PTGS1: variants seen among roughly 807,000 people sequenced by gnomAD.
The protein encoded by PTGS1 is prostaglandin G/H synthase 1.
In PTGS1, 40 loss-of-function variants were observed where a neutral mutation model predicts 63.0. The ratio of observed to expected loss-of-function variants is 0.63; its 90% CI spans 0.49 to 0.83. PTGS1 has a LOEUF of 0.83. Ranked by LOEUF, PTGS1 falls within the 40% of genes least tolerant of loss-of-function variation. PTGS1 has a pLI of 0.00. For missense variants in PTGS1, 709 were observed against 786.5 expected (o/e 0.90, Z 1.18); for synonymous variants, 298 against 301.9 (o/e 0.99, Z 0.13).
intron 5 of PTGS1, among the ~76,000 whole-genome samples, chr9:122,379,917 A>G (rs1451562936): frequency 6.6e-6 from 1 of 152,160 alleles, no homozygotes; most frequent in East Asian, 1.9e-4. Flanking sequence ...TTGTGAAGAG[A>G]TGCCTTTACC....
chr9:122,384,460 T>A (rs1837748476), intron 8 of PTGS1, among the ~76,000 whole-genome samples: 1 of 152,048 alleles, frequency 6.6e-6, no homozygotes, highest in Non-Finnish European at 1.5e-5. Flanking sequence ...ATAGGAACAG[T>A]CATTAGAGGG....
chr9:122,378,318 C>G, intron 3 of PTGS1, 115 bp from the exon 4 acceptor site: 1 of 1,425,548 alleles, frequency 7.0e-7, no homozygotes, highest in Non-Finnish European at 9.7e-7. Context: ...CCCACTTCCC[C>G]ATAGGTGCTA....
chr9:122,381,484 T>C lies in PTGS1; in HGVS notation c.610T>C (p.Phe204Leu), dbSNP rs200351496. The C allele has an allele frequency of 1.7e-5, 27 of 1,614,072 alleles. No homozygotes were observed. The highest frequency in any genetic ancestry group is 3.3e-5 in the Admixed American group (2 of 60,010). Residue 204 changes from phenylalanine (F) to leucine (L), a missense_variant, in exon 6 of 11, where the codon TTC becomes CTC. By Grantham distance (22) the Phe-to-Leu change is conservative. Coordinates refer to ENST00000362012, the MANE Select transcript of PTGS1 (RefSeq NM_000962.4). ...CATGTTTGCCTTCTTTGCACAACAC[T>C]TCACCCACCAGTTCTTCAAAACTTC... ...NLMFAFFAQHFTHQFFKTSGK... is the reference protein window; with the variant it reads ...NLMFAFFAQHLTHQFFKTSGK...
Position 122,392,502 on chromosome 9 carries a change from G to A in PTGS1, c.1758G>A (p.Gln586=), listed in dbSNP as rs1216965769. 6 of 1,614,158 alleles carry A rather than the reference G, an allele frequency of 3.7e-6. No homozygotes were observed. The African/African-American group carries it at 8.0e-5, about 22-fold the overall frequency. The change falls in exon 11 of 11, where the codon CAG becomes CAA. Residue 586 remains glutamine, a synonymous_variant. Coordinates refer to ENST00000362012, the MANE Select transcript of PTGS1 (RefSeq NM_000962.4). The part of the protein sequence containing the change: ...YVSFRVPDAS[Q]DDGPAVERPS... Reference sequence around the variant, plus strand: ...CCTTCCGTGTGCCGGATGCCAGTCAGGATGATGGGCCTGCTGTGGAGCGAC... The same window carrying A: ...CCTTCCGTGTGCCGGATGCCAGTCAAGATGATGGGCCTGCTGTGGAGCGAC...
In PTGS1 at chr9:122,378,413, G is replaced by C; in HGVS notation, c.212-20G>C. 6.2e-7 allele frequency: 1 copy of C among 1,612,176 alleles called. No individual in the cohort carries two copies. The highest frequency in any genetic ancestry group is 8.5e-7 in the Non-Finnish European group (1 of 1,180,030). On this transcript the variant is annotated intron_variant, in intron 3 of 10. Transcript: ENST00000362012. Reference sequence around the variant, plus strand: ...TTCTGGTAGGAGGGACCAACTGAGTGACTGCCATTGCCCCTGCAGCTGGCC... The same window carrying C: ...TTCTGGTAGGAGGGACCAACTGAGTCACTGCCATTGCCCCTGCAGCTGGCC...
At chr9:122,390,024 T>C (rs2119184545) in intron 9 of PTGS1, among the ~76,000 whole-genome samples, 174 bp from the exon 10 acceptor site, 1 of 151,984 alleles carries the variant, frequency 6.6e-6, no homozygotes, top group East Asian at 1.9e-4. Flanking sequence ...TGAGAGAGCA[T>C]GACAGCAGCA....
chr9:122,392,509 G>A lies in PTGS1; in HGVS notation c.1765G>A (p.Gly589Arg), dbSNP rs1258368286. The A allele has an allele frequency of 4.3e-6, 7 of 1,613,968 alleles. No individual in the cohort carries two copies. Among genetic ancestry groups the A allele is most frequent in the African/African-American group, 1.3e-5 (1 of 74,900 alleles). ...FRVPDASQDD[G>R]PAVERPSTEL ...TGTGCCGGATGCCAGTCAGGATGATGGGCCTGCTGTGGAGCGACCATCCAC... is the reference window on the plus strand; with the variant it reads ...TGTGCCGGATGCCAGTCAGGATGATAGGCCTGCTGTGGAGCGACCATCCAC... Residue 589 changes from glycine (G) to arginine (R), a missense_variant, in exon 11 of 11, where the codon GGG (glycine) becomes AGG (arginine). Gly to Arg is a moderately radical substitution (Grantham distance 125, BLOSUM62 -2). Coordinates refer to ENST00000362012, the MANE Select transcript of PTGS1 (RefSeq NM_000962.4).
rs201492493 is a variant in PTGS1 at position 122,392,167 on chromosome 9, A to G, written c.1445-22A>G. On this transcript the variant is annotated intron_variant, in intron 10 of 10. Transcript: ENST00000362012. ...ATGGCATCATGGATCTGATGCTAGC[A>G]TTTCCCCTTATCTCCTTGTAGGAGA... 38 of 1,554,624 alleles carry G rather than the reference A, an allele frequency of 2.4e-5. No homozygotes were observed. In the African/African-American group the frequency reaches 2.4e-4, roughly 10 times the overall value.
chr9:122,378,984 A>T, intron 5 of PTGS1, 66 bp downstream of exon 5: 20 of 1,583,446 alleles, frequency 1.3e-5, no homozygotes, highest in Non-Finnish European at 1.7e-5. Context: ...CTTTGGGAAA[A>T]ATCAGGCGAA....
intron 10 of PTGS1, among the ~76,000 whole-genome samples, chr9:122,391,337 T>TATATATATACTATATATATAC (rs1491340788): frequency 8.3e-6 from 1 of 120,408 alleles, no homozygotes; most frequent in African/African-American, 4.5e-5. Context: ...TATGTGTGTG[T>TATATATATACTATATATATAC]ATATATATAC....
intron 2 of PTGS1, among the ~76,000 whole-genome samples, 179 bp downstream of exon 2, chr9:122,371,451 G>A (rs1412653144): frequency 6.6e-6 from 1 of 152,258 alleles, no homozygotes; most frequent in Non-Finnish European, 1.5e-5. Context: ...CGGCGGTGTG[G>A]CCTTGGCTAA....
chr9:122,379,947 T>G (rs1210221838), intron 5 of PTGS1, among the ~76,000 whole-genome samples: 1 of 152,176 alleles, frequency 6.6e-6, no homozygotes, highest in Non-Finnish European at 1.5e-5. Context: ...AAAATTCTAT[T>G]CCTTTCTGTG....
intron 2 of PTGS1, among the ~76,000 whole-genome samples, chr9:122,377,154 C>T (rs968675751): frequency 6.6e-6 from 1 of 152,144 alleles, no homozygotes; most frequent in Non-Finnish European, 1.5e-5. Flanking sequence ...TTGGAGTCCC[C>T]CTCCTCCTGC....
intron 2 of PTGS1, among the ~76,000 whole-genome samples, chr9:122,376,344 T>TTGTG (rs57350981): frequency 0.046 from 5,901 of 126,954 alleles, 163 homozygotes; most frequent in Middle Eastern, 0.079. Flanking sequence ...TGGTCCTTGC[T>TTGTG]TGTGTGTGTG....
intron 2 of PTGS1, 102 bp downstream of exon 2, chr9:122,371,374 T>C (rs1418281817): frequency 6.5e-7 from 1 of 1,533,346 alleles, no homozygotes; most frequent in Admixed American, 1.9e-5. Flanking sequence ...TTCCCCTTTC[T>C]GCTCGCGGTG....
In PTGS1 at chr9:122,381,673, G is replaced by C. The variant is rs3842795; in HGVS notation, c.688G>C (p.Gly230Arg). 8 of 1,614,046 alleles carry C rather than the reference G, an allele frequency of 5.0e-6. No homozygotes were observed. In the African/African-American group the frequency reaches 1.1e-4, roughly 22 times the overall value. The change falls in exon 7 of 11, where the codon GGC becomes CGC. Residue 230 changes from glycine (G) to arginine (R), a missense_variant. Physicochemically the swap from Gly to Arg is moderately radical, Grantham distance 125. Coordinates refer to ENST00000362012, the MANE Select transcript of PTGS1 (RefSeq NM_000962.4). ...TKALGHGVDL[G>R]HIYGDNLERQ... ...CCCTCTCTGTCCACAGGTAGACCTC[G>C]GCCACATTTATGGAGACAATCTGGA...
At chr9:122,385,050 C>T (rs376440980) in intron 8 of PTGS1, among the ~76,000 whole-genome samples, 17 of 152,256 alleles carry the variant, frequency 1.1e-4, no homozygotes, top group East Asian at 9.7e-4. Flanking sequence ...CTCTGCCTCC[C>T]GGGTTCGAGC....
chr9:122,373,612 C>G (rs1274039304), intron 2 of PTGS1, among the ~76,000 whole-genome samples: 1 of 152,250 alleles, frequency 6.6e-6, no homozygotes, highest in African/African-American at 2.4e-5. Context: ...GCAACCAGAG[C>G]TGCATGCCAG....
At chr9:122,376,624 G>C (rs1460988925) in intron 2 of PTGS1, among the ~76,000 whole-genome samples, 2 of 152,186 alleles carry the variant, frequency 1.3e-5, no homozygotes, top group Non-Finnish European at 2.9e-5. Context: ...GTTGCACAAA[G>C]AATCCATATT....
Sources: allele counts gnomAD v4.1 joint callset (sites outside exome capture counted in the v4.1 genomes callset), GRCh38; gene constraint gnomAD v4.1.1; transcripts MANE v1.5; gene names NCBI Gene and HGNC (gene_info 2026-07-23, HGNC 2026-07-21).